The following LIPC variants were observed in gnomAD, a reference collection of about 807,000 sequenced individuals.
The protein encoded by LIPC is hepatic triacylglycerol lipase.
Under a neutral mutation model 50.7 loss-of-function variants are expected in LIPC, and 44 were observed. That is an observed-to-expected ratio of 0.87 (90% CI 0.68 to 1.11). The LOEUF is 1.11. Among genes scored for constraint, LIPC ranks in the 50% most tolerant of loss-of-function variants. The probability of loss-of-function intolerance (pLI) is 0.00; values close to 1 mark genes in which losing one functional copy is unlikely to be tolerated. For synonymous variants in LIPC, 271 were observed against 256.4 expected (o/e 1.06, Z -0.54); for missense variants, 697 against 648.2 (o/e 1.08, Z -0.82).
chr15:58,436,717 A>G (rs1287959698), intron 1 of LIPC: 2 of 456,284 alleles, frequency 4.4e-6, no homozygotes, highest in Non-Finnish European at 8.8e-6. Context: ...ACCATGAGAG[A>G]GGAATGAGTA....
chr15:58,563,959 G>A, intron 8 of LIPC: 1 of 534,676 alleles, frequency 1.9e-6, no homozygotes, highest in Non-Finnish European at 3.5e-6. Flanking sequence ...CACTGCCCGT[G>A]GCTAACGCTG....
intron 1 of LIPC, among the ~76,000 whole-genome samples, chr15:58,478,689 G>T: frequency 6.6e-6 from 1 of 152,158 alleles, no homozygotes; most frequent in East Asian, 1.9e-4. Context: ...GCCAAGAGTT[G>T]AACTCATACC....
intron 1 of LIPC, among the ~76,000 whole-genome samples, chr15:58,494,478 G>C (rs1891698500): frequency 6.6e-6 from 1 of 152,200 alleles, no homozygotes; most frequent in Non-Finnish European, 1.5e-5. Flanking sequence ...CAGAAAATGA[G>C]AATAATAGAC....
chr15:58,481,695 G>A (rs1443677576), intron 1 of LIPC, among the ~76,000 whole-genome samples: 1 of 152,188 alleles, frequency 6.6e-6, no homozygotes, highest in Non-Finnish European at 1.5e-5. Flanking sequence ...CTACTCGAGA[G>A]GCTGAGGCAG....
At chr15:58,470,722 C>T (rs1894762835) in intron 1 of LIPC, among the ~76,000 whole-genome samples, 1 of 152,036 alleles carries the variant, frequency 6.6e-6, no homozygotes, top group Admixed American at 6.5e-5. Flanking sequence ...GCCTCAGCCT[C>T]CCCAGTAGCT....
intron 1 of LIPC, among the ~76,000 whole-genome samples, chr15:58,467,340 C>A (rs1894606102): frequency 6.6e-6 from 1 of 152,168 alleles, no homozygotes; most frequent in African/African-American, 2.4e-5. Flanking sequence ...TTGCGGGCTC[C>A]TTGTGTCTGT....
At chr15:58,471,481 T>C (rs1890805283) in intron 1 of LIPC, among the ~76,000 whole-genome samples, 1 of 152,094 alleles carries the variant, frequency 6.6e-6, no homozygotes, top group African/African-American at 2.4e-5. Flanking sequence ...GAGGATTCTA[T>C]TCCATCAGGA....
At chr15:58,439,411 T>G (rs997268956) in intron 1 of LIPC, among the ~76,000 whole-genome samples, 3 of 151,966 alleles carry the variant, frequency 2.0e-5, no homozygotes, top group Admixed American at 6.6e-5. Context: ...GGAACTGTAG[T>G]GGGTAATGAA....
At chr15:58,527,285 G>A (rs1417702595) in intron 1 of LIPC, among the ~76,000 whole-genome samples, 1 of 152,146 alleles carries the variant, frequency 6.6e-6, no homozygotes, top group East Asian at 1.9e-4. Context: ...AACATGCCTA[G>A]GATAGGAACC....
intron 6 of LIPC, among the ~76,000 whole-genome samples, chr15:58,560,076 T>C (rs1894105659): frequency 6.6e-6 from 1 of 152,224 alleles, no homozygotes; most frequent in Non-Finnish European, 1.5e-5. Flanking sequence ...ATGCAATGCA[T>C]TCAACAATGC....
At chr15:58,558,405 G>A (rs925878623) in intron 6 of LIPC, among the ~76,000 whole-genome samples, 2 of 152,130 alleles carry the variant, frequency 1.3e-5, no homozygotes, top group Non-Finnish European at 2.9e-5. Context: ...AGCCTCTTTT[G>A]CTGTCTTGAG....
chr15:58,432,089 A>G lies in LIPC; in HGVS notation c.57A>G (p.Gln19=), dbSNP rs1595838737. ...SILLVLCIFI[Q]SSALGQSLKP... ...TGTTGGTTTTATGCATCTTTATCCAATCAAGTGCCCTTGGACAAAGCCTGA... is the reference window on the plus strand; with the variant it reads ...TGTTGGTTTTATGCATCTTTATCCAGTCAAGTGCCCTTGGACAAAGCCTGA... Residue 19 remains glutamine, a synonymous_variant, in exon 1 of 9, where the codon CAA becomes CAG. Transcript: ENST00000299022. The G allele has an allele frequency of 1.2e-6, 2 of 1,613,996 alleles. No individual in the cohort carries two copies. The highest frequency in any genetic ancestry group is 1.7e-6 in the Non-Finnish European group (2 of 1,179,890).
intron 1 of LIPC, among the ~76,000 whole-genome samples, chr15:58,478,313 A>G (rs1312263146): frequency 6.6e-6 from 1 of 152,194 alleles, no homozygotes; most frequent in Non-Finnish European, 1.5e-5. Context: ...ATCTCGGCTC[A>G]CTGTAACCTC....
At chr15:58,547,352 ACAG>A (rs1893568595) in intron 5 of LIPC, among the ~76,000 whole-genome samples, 1 of 152,118 alleles carries the variant, frequency 6.6e-6, no homozygotes, top group African/African-American at 2.4e-5. Flanking sequence ...CTCGTCGAAA[ACAG>A]CGGCCTCAAG....
At position 58,560,854 on chromosome 15, in the gene LIPC, C is replaced by A; in HGVS notation, c.1052-10C>A. 1 of 938,304 alleles carries A rather than the reference C, an allele frequency of 1.1e-6. No individual in the cohort carries two copies. Among genetic ancestry groups the A allele is most frequent in the South Asian group, 1.3e-5 (1 of 77,300 alleles). 58.1% of individuals were successfully genotyped at this position (938,304 alleles called of 1,614,324 possible). ...TATCTCTCTCTTTCTCTCTCTGTCT[C>A]TCTCTCTAGTTTATCATTACCAGTT... On this transcript the variant is annotated splice_polypyrimidine_tract_variant and intron_variant, in intron 6 of 8. Transcript: ENST00000299022.
chr15:58,477,983 G>A lies in LIPC; in HGVS notation c.88+45863G>A, dbSNP rs143159401. 3.9e-4 allele frequency among the ~76,000 whole-genome samples: 59 copies of A among 151,938 alleles called. 1 individual carries two copies. In the East Asian group the frequency reaches 7.8e-3, roughly 20 times the overall value. On this transcript the variant is annotated intron_variant, in intron 1 of 8. Transcript: ENST00000299022. ...CTCCCTCCTCTCCAGCCAGGGGGACGTGCACCCTATACCCACCCCATGCAC... is the reference window on the plus strand; with the variant it reads ...CTCCCTCCTCTCCAGCCAGGGGGACATGCACCCTATACCCACCCCATGCAC...
At chr15:58,505,869 C>T (rs117393723) in intron 1 of LIPC, among the ~76,000 whole-genome samples, 2 of 151,276 alleles carry the variant, frequency 1.3e-5, no homozygotes, top group Non-Finnish European at 2.9e-5. Context: ...ACTGACGTGG[C>T]TGCAGGTTGC....
chr15:58,465,926 A>ATT (rs1894547097), intron 1 of LIPC, among the ~76,000 whole-genome samples: 1 of 152,208 alleles, frequency 6.6e-6, no homozygotes, highest in Non-Finnish European at 1.5e-5. Flanking sequence ...GGGCAGAGGA[A>ATT]TTAGATCTTT....
At chr15:58,495,720 C>T (rs982333437) in intron 1 of LIPC, among the ~76,000 whole-genome samples, 1 of 152,204 alleles carries the variant, frequency 6.6e-6, no homozygotes, top group Non-Finnish European at 1.5e-5. Flanking sequence ...AACCCAAGCA[C>T]GCTGTCTTGG....
Sources: allele counts gnomAD v4.1 joint callset (sites outside exome capture counted in the v4.1 genomes callset), GRCh38; gene constraint gnomAD v4.1.1; transcripts MANE v1.5; gene names NCBI Gene and HGNC (gene_info 2026-07-23, HGNC 2026-07-21).